Variants in OTOGL observed in about 807,000 individuals in gnomAD.
OTOGL encodes otogelin-like protein.
OTOGL carries 285 observed loss-of-function variants against 318.5 expected under a neutral mutation model. The observed-to-expected ratio is 0.89, with a 90% CI of 0.81 to 0.99. The LOEUF (loss-of-function observed/expected upper bound fraction) is 0.99, where lower values mean the gene tolerates loss of function less well. OTOGL is among the 50% of genes least tolerant of loss of function. The pLI is 0.00. For synonymous variants in OTOGL, 987 were observed against 936.5 expected (o/e 1.05, Z -0.99); for missense variants, 2,899 against 2,845.6 (o/e 1.02, Z -0.43).
At chr12:80,368,407 C>A in intron 55 of OTOGL, 98 bp downstream of exon 55, 2 of 711,550 alleles carry the variant, frequency 2.8e-6, no homozygotes, top group Non-Finnish European at 4.7e-6. Flanking sequence ...CACTGCACTG[C>A]ATACAATAAA....
In OTOGL at chr12:80,343,509, G is replaced by GGTTTTTTTTTTTTTTTTTTTTTTTTTT; in HGVS notation, c.5265+1347_5265+1348insGTTTTTTTTTTTTTTTTTTTTTTTTTT. 9 of 35,868 alleles carry GGTTTTTTTTTTTTTTTTTTTTTTTTTT rather than the reference G, an allele frequency of 2.5e-4. 3 individuals carry two copies. The highest frequency in any genetic ancestry group is 3.3e-4 in the African/African-American group (3 of 9,020). The allele number at this position is 35,868 out of a possible 1,614,324, so 2.2% of individuals were successfully genotyped here. A position where few individuals can be genotyped will look rare whatever the true frequency, so the allele number is the denominator to read the frequency against. On this transcript the variant is annotated intron_variant, in intron 44 of 58. Transcript: ENST00000547103. ...TACATTTTTATTATTTTTTATTCTTGTTTTTTTTTTTTTTTTTTTTTTTTT... is the reference window on the plus strand; with the variant it reads ...TACATTTTTATTATTTTTTATTCTTGGTTTTTTTTTTTTTTTTTTTTTTTTTTTTTTTTTTTTTTTTTTTTTTTTTTT...
intron 1 of OTOGL, among the ~76,000 whole-genome samples, chr12:80,100,075 C>T (rs139102817): frequency 7.2e-5 from 11 of 152,264 alleles, no homozygotes; most frequent in South Asian, 2.1e-4. Context: ...TAAGTTCTCC[C>T]GCTTCCTCAT....
At chr12:80,229,123 C>G in intron 7 of OTOGL, 134 bp from the exon 8 acceptor site, 1 of 1,047,608 alleles carries the variant, frequency 9.5e-7, no homozygotes, top group Non-Finnish European at 1.3e-6. Flanking sequence ...TCTCAGAAAT[C>G]CCAAATGTAG....
chr12:80,240,660 T>G (rs762025458), intron 11 of OTOGL, among the ~76,000 whole-genome samples: 1 of 152,100 alleles, frequency 6.6e-6, no homozygotes, highest in South Asian at 2.1e-4. Context: ...TATTGTGATG[T>G]GTTGCCTATA....
chr12:80,130,036 C>CA (rs1871141109), intron 1 of OTOGL, among the ~76,000 whole-genome samples: 1 of 152,010 alleles, frequency 6.6e-6, no homozygotes, highest in Non-Finnish European at 1.5e-5. Context: ...TTTCTATCTC[C>CA]TTTTTTTTCT....
intron 44 of OTOGL, chr12:80,343,400 A>G (rs1888908407): frequency 6.6e-6 from 1 of 151,830 alleles, no homozygotes; most frequent in South Asian, 2.1e-4. Context: ...AATCATCTCT[A>G]GATTACTTAT....
intron 47 of OTOGL, among the ~76,000 whole-genome samples, 194 bp downstream of exon 47, chr12:80,356,142 A>G (rs1032129846): frequency 2.0e-5 from 3 of 152,296 alleles, no homozygotes; most frequent in East Asian, 3.9e-4. Flanking sequence ...AGTTAATAAC[A>G]CTCAACAAAA....
intron 1 of OTOGL, among the ~76,000 whole-genome samples, chr12:80,101,968 A>G (rs1403953223): frequency 1.3e-5 from 2 of 152,140 alleles, no homozygotes; most frequent in Non-Finnish European, 2.9e-5. Flanking sequence ...CCAAGGATCA[A>G]TTGAATCAAG....
intron 1 of OTOGL, among the ~76,000 whole-genome samples, chr12:80,162,130 A>C (rs1315571036): frequency 1.3e-5 from 2 of 152,166 alleles, no homozygotes; most frequent in Admixed American, 1.3e-4. Context: ...ATTCCTTGTG[A>C]GTTTGGAATT....
chr12:80,376,660 T>C (rs1891191230), intron 57 of OTOGL, among the ~76,000 whole-genome samples: 1 of 152,178 alleles, frequency 6.6e-6, no homozygotes, highest in South Asian at 2.1e-4. Flanking sequence ...TTTATATTAA[T>C]GTCCATTAAG....
chr12:80,306,463 C>T (rs1352918802), intron 29 of OTOGL, among the ~76,000 whole-genome samples: 1 of 152,184 alleles, frequency 6.6e-6, no homozygotes, highest in African/African-American at 2.4e-5. Context: ...GTGTTTGAAA[C>T]CACAATTTCC....
At chr12:80,212,645 G>A (rs1877356412) in intron 4 of OTOGL, among the ~76,000 whole-genome samples, 1 of 152,130 alleles carries the variant, frequency 6.6e-6, no homozygotes, top group Admixed American at 6.5e-5. Context: ...GTAAAATACA[G>A]AATCCTAACT....
chr12:80,372,571 T>G (rs1890942129), intron 57 of OTOGL, among the ~76,000 whole-genome samples: 1 of 152,154 alleles, frequency 6.6e-6, no homozygotes, highest in Non-Finnish European at 1.5e-5. Context: ...TGGATAATAT[T>G]TTAGTAAATA....
chr12:80,111,277 T>A (rs1174829989), intron 1 of OTOGL, among the ~76,000 whole-genome samples: 2 of 152,240 alleles, frequency 1.3e-5, no homozygotes, highest in Non-Finnish European at 1.5e-5. Context: ...CAATCTTGGC[T>A]CTTGTTGCCA....
At chr12:80,298,329 C>A (rs1885546232) in intron 27 of OTOGL, among the ~76,000 whole-genome samples, 1 of 152,120 alleles carries the variant, frequency 6.6e-6, no homozygotes, top group Non-Finnish European at 1.5e-5. Context: ...ACTTTAGAGT[C>A]ACTCAGTACT....
intron 1 of OTOGL, among the ~76,000 whole-genome samples, chr12:80,149,736 A>C (rs1327654778): frequency 6.6e-6 from 1 of 152,142 alleles, no homozygotes; most frequent in Admixed American, 6.5e-5. Context: ...TGGGCGTAGG[A>C]CCCTCCAAGC....
At position 80,197,064 on chromosome 12, in the gene OTOGL, C is replaced by T. The variant is rs1027265358; in HGVS notation, c.-19-12349C>T. On this transcript the variant is annotated intron_variant, in intron 1 of 58. Transcript: ENST00000547103. The stretch of plus-strand genomic sequence containing the variant: ...TGGCATGATACAACTTTGGTGTCCA[C>T]AACCTCTTATGTAATCTGGGCATTC... Among the ~76,000 whole-genome samples the T allele has an allele frequency of 7.2e-5, 11 of 152,334 alleles. No individual in the cohort carries two copies. In the South Asian group the frequency reaches 2.3e-3, roughly 32 times the overall value.
chr12:80,181,950 G>T (rs961561162), intron 1 of OTOGL, among the ~76,000 whole-genome samples: 1 of 152,018 alleles, frequency 6.6e-6, no homozygotes, highest in Non-Finnish European at 1.5e-5. Flanking sequence ...CATTGCTTGA[G>T]TCCGGGAGGT....
intron 1 of OTOGL, among the ~76,000 whole-genome samples, chr12:80,197,491 G>A (rs1410081736): frequency 1.3e-5 from 2 of 152,184 alleles, no homozygotes; most frequent in African/African-American, 4.8e-5. Context: ...TTACAGGTAT[G>A]AGCCACCGTG....
Sources: gnomAD v4.1 joint callset for allele counts (sites outside exome capture counted in the v4.1 genomes callset) on GRCh38, gnomAD v4.1.1 for gene constraint, MANE v1.5 for transcripts, NCBI Gene and HGNC (gene_info 2026-07-23, HGNC 2026-07-21) for gene names.